SPAG16: variants seen among roughly 807,000 people sequenced by gnomAD.
SPAG16 encodes sperm associated antigen 16.
Under a neutral mutation model 80.4 loss-of-function variants are expected in SPAG16, and 86 were observed. The ratio of observed to expected loss-of-function variants is 1.07; its 90% confidence interval spans 0.90 to 1.28. The LOEUF is 1.28. Among genes scored for constraint, SPAG16 ranks in the 50% most tolerant of loss-of-function variants. The pLI is 0.00. For synonymous variants in SPAG16, 294 were observed against 265.9 expected (o/e 1.11, Z -1.03); for missense variants, 870 against 765.3 (o/e 1.14, Z -1.61).
chr2:213,744,962 T>C (rs1487040309), intron 10 of SPAG16, among the ~76,000 whole-genome samples: 1 of 152,216 alleles, frequency 6.6e-6, no homozygotes, highest in African/African-American at 2.4e-5. Flanking sequence ...TTTTTAAAGT[T>C]TTATACTCAT....
chr2:213,535,174 A>G (rs1357603815), intron 10 of SPAG16, among the ~76,000 whole-genome samples: 2 of 152,140 alleles, frequency 1.3e-5, no homozygotes, highest in African/African-American at 4.8e-5. Flanking sequence ...GTAAAATCAT[A>G]ATGTTTGGCA....
At chr2:213,544,597 A>T (rs1015189182) in intron 10 of SPAG16, among the ~76,000 whole-genome samples, 1 of 152,132 alleles carries the variant, frequency 6.6e-6, no homozygotes, top group African/African-American at 2.4e-5. Flanking sequence ...GGACAAATTC[A>T]TAATGACATG....
chr2:213,853,748 T>C (rs1477331956), intron 10 of SPAG16, among the ~76,000 whole-genome samples: 4 of 152,186 alleles, frequency 2.6e-5, no homozygotes, highest in Non-Finnish European at 5.9e-5. Flanking sequence ...GTAAAATGAC[T>C]TTGTGGCACT....
At chr2:214,408,538 A>G (rs1373311312) in intron 15 of SPAG16, among the ~76,000 whole-genome samples, 2 of 152,304 alleles carry the variant, frequency 1.3e-5, no homozygotes, top group East Asian at 3.9e-4. Flanking sequence ...AATAGGTTGT[A>G]TTTATCATGG....
At chr2:213,763,814 A>G (rs552145487) in intron 10 of SPAG16, among the ~76,000 whole-genome samples, 5 of 152,334 alleles carry the variant, frequency 3.3e-5, no homozygotes, top group Non-Finnish European at 4.4e-5. Context: ...CTTATGAACT[A>G]TTTTACCTGG....
At chr2:213,868,425 G>C (rs1274583543) in intron 11 of SPAG16, among the ~76,000 whole-genome samples, 2 of 151,948 alleles carry the variant, frequency 1.3e-5, no homozygotes, top group Non-Finnish European at 1.5e-5. Context: ...GTCCCATTTA[G>C]ACCAGCTTTG....
intron 15 of SPAG16, among the ~76,000 whole-genome samples, chr2:214,390,343 A>ATTTTTT (rs1309716108): frequency 1.8e-5 from 2 of 112,972 alleles, no homozygotes; most frequent in Non-Finnish European, 1.9e-5. Context: ...TTTTTTTTTA[A>ATTTTTT]AAAAAAAAAA....
At chr2:213,630,314 G>T (rs562388627) in intron 10 of SPAG16, among the ~76,000 whole-genome samples, 2 of 151,984 alleles carry the variant, frequency 1.3e-5, no homozygotes, top group South Asian at 4.2e-4. Context: ...AACCTGGGAG[G>T]CAGAGGTTGC....
intron 10 of SPAG16, among the ~76,000 whole-genome samples, chr2:213,661,345 T>C (rs972449949): frequency 2.0e-5 from 3 of 152,204 alleles, no homozygotes; most frequent in Non-Finnish European, 2.9e-5. Flanking sequence ...TTGTTTCAGA[T>C]TGGATAAAAA....
Position 214,217,537 on chromosome 2 carries a change from T to C in SPAG16, c.1720+68271T>C, listed in dbSNP as rs1031420745. Among the ~76,000 whole-genome samples, 65 of 152,366 alleles carry C rather than the reference T, an allele frequency of 4.3e-4. 2 individuals are homozygous for C. Among genetic ancestry groups the C allele is most frequent in the Admixed American group, 3.9e-3 (59 of 15,310 alleles). ...ATTGTCACTTCCAAATTTAAATACA[T>C]TATTTTATGAAAGTTTATCCCACCA... On this transcript the variant is annotated intron_variant, in intron 15 of 15. Transcript: ENST00000331683.
At position 213,557,536 on chromosome 2, in the gene SPAG16, G is replaced by GA. The variant is rs552851351; in HGVS notation, c.1070+67453dup. Reference sequence around the variant, plus strand: ...TGAGTCTTTCCAGGGAATAGTATATGAAAAAAATTAGAATGAAAAGTAAAG... The same window carrying GA: ...TGAGTCTTTCCAGGGAATAGTATATGAAAAAAAATTAGAATGAAAAGTAAAG... On this transcript the variant is annotated intron_variant, in intron 10 of 15. Coordinates refer to ENST00000331683, the MANE Select transcript of SPAG16 (RefSeq NM_024532.5). Among the ~76,000 whole-genome samples, 125 of 151,990 alleles carry GA rather than the reference G, an allele frequency of 8.2e-4. 2 individuals carry two copies. The highest frequency in any genetic ancestry group is 3.4e-3 in the Middle Eastern group (1 of 294).
chr2:214,138,443 G>A (rs990499402), intron 14 of SPAG16, among the ~76,000 whole-genome samples: 34 of 152,128 alleles, frequency 2.2e-4, no homozygotes, highest in African/African-American at 8.0e-4. Context: ...CCTGCTGCAT[G>A]CAAGAAAAGA....
intron 9 of SPAG16, among the ~76,000 whole-genome samples, chr2:213,400,691 T>C (rs748858497): frequency 1.3e-5 from 2 of 152,228 alleles, no homozygotes; most frequent in African/African-American, 2.4e-5. Flanking sequence ...AAACTAAATG[T>C]TGCCAGTGGA....
intron 15 of SPAG16, among the ~76,000 whole-genome samples, chr2:214,161,180 AT>A (rs1448762746): frequency 6.6e-6 from 1 of 151,662 alleles, no homozygotes; most frequent in Non-Finnish European, 1.5e-5. Context: ...GATGTACAAC[AT>A]TTTCTTTATC....
chr2:214,133,226 T>C (rs1288673840), intron 14 of SPAG16, among the ~76,000 whole-genome samples: 1 of 152,114 alleles, frequency 6.6e-6, no homozygotes, highest in Non-Finnish European at 1.5e-5. Flanking sequence ...TTTCGTGCAT[T>C]ATAAGACTTT....
At chr2:213,471,371 G>A (rs894836994) in intron 9 of SPAG16, among the ~76,000 whole-genome samples, 2 of 152,122 alleles carry the variant, frequency 1.3e-5, no homozygotes, top group African/African-American at 4.8e-5. Flanking sequence ...GAATGCTGCT[G>A]TGCGTGCCCC....
At chr2:214,045,565 GT>G (rs956055134) in intron 13 of SPAG16, among the ~76,000 whole-genome samples, 3 of 152,142 alleles carry the variant, frequency 2.0e-5, no homozygotes, top group Non-Finnish European at 2.9e-5. Context: ...ATCCCTGGGG[GT>G]TAGAGCACCA....
intron 15 of SPAG16, among the ~76,000 whole-genome samples, chr2:214,222,215 C>A (rs1158280694): frequency 6.9e-6 from 1 of 145,082 alleles, no homozygotes; most frequent in Non-Finnish European, 1.5e-5. Context: ...CTCCTGGGTT[C>A]AAGCGAGTCT....
chr2:214,170,673 A>T (rs757923190), intron 15 of SPAG16, among the ~76,000 whole-genome samples: 7 of 152,020 alleles, frequency 4.6e-5, no homozygotes, highest in Admixed American at 1.3e-4. Flanking sequence ...GTACTGATCA[A>T]TTTCAGGTCA....
Sources: allele counts gnomAD v4.1 joint callset (sites outside exome capture counted in the v4.1 genomes callset), GRCh38; gene constraint gnomAD v4.1.1; transcripts MANE v1.5; gene names NCBI Gene and HGNC (gene_info 2026-07-23, HGNC 2026-07-21).